COL4A4: variants seen among roughly 807,000 people sequenced by gnomAD.
COL4A4 encodes the protein collagen type IV alpha 4 chain.
In COL4A4, 105 loss-of-function variants were observed where a neutral mutation model predicts 192.9. The ratio of observed to expected loss-of-function variants is 0.54; its 90% CI spans 0.46 to 0.64. The LOEUF is 0.64. Ranked by LOEUF, COL4A4 falls within the 30% of genes least tolerant of loss-of-function variation. The pLI, the probability that COL4A4 is intolerant of heterozygous loss-of-function variation, is 0.00. For missense variants in COL4A4, 1,967 were observed against 2,169.3 expected, an observed-to-expected ratio of 0.91 and a Z score of 1.85; for synonymous variants, 762 against 769.9, an observed-to-expected ratio of 0.99 and a Z score of 0.17.
intron 37 of COL4A4, among the ~76,000 whole-genome samples, chr2:227,040,378 T>C (rs1393411863): frequency 6.6e-6 from 1 of 152,148 alleles, no homozygotes; most frequent in Non-Finnish European, 1.5e-5. Flanking sequence ...TTCATTCTCC[T>C]ATTTGTCCAT....
Position 227,072,470 on chromosome 2 carries a change from C to A in COL4A4, c.1987+5424G>T, listed in dbSNP as rs1290613406. Among the ~76,000 whole-genome samples the A allele has an allele frequency of 2.6e-5, 4 of 151,716 alleles. No individual in the cohort carries two copies. The East Asian group carries it at 7.7e-4, about 29-fold the overall frequency. ...GATTCACAGCTAAATTCTACTTAGACACTGAGAGAAAAGAATTGGTACAAA... is the reference window on the plus strand; with the variant it reads ...GATTCACAGCTAAATTCTACTTAGAAACTGAGAGAAAAGAATTGGTACAAA... On this transcript the variant is annotated intron_variant, in intron 25 of 47. Coordinates refer to ENST00000396625, the MANE Select transcript of COL4A4 (RefSeq NM_000092.5).
At chr2:227,052,558 G>C in intron 31 of COL4A4, 146 bp from the exon 32 acceptor site, 2 of 671,634 alleles carry the variant, frequency 3.0e-6, no homozygotes, top group Non-Finnish European at 5.4e-6. Context: ...CACCATTGTT[G>C]GCTGATTTCC....
chr2:226,995,322 TAAAATG>T, the COL4A4 span: 1 of 696,990 alleles, frequency 1.4e-6, no homozygotes, highest in South Asian at 1.7e-5. Flanking sequence ...TGTTTTGTGT[TAAAATG>T]AAGATGACAC....
chr2:227,007,667 T>C, intron 47 of COL4A4, 79 bp from the exon 48 acceptor site: 2 of 1,581,978 alleles, frequency 1.3e-6, no homozygotes, highest in Non-Finnish European at 1.7e-6. Context: ...CACCCAGGTT[T>C]GGGTCTGATC....
At chr2:227,117,277 A>C (rs558467449) in intron 7 of COL4A4, among the ~76,000 whole-genome samples, 1 of 152,318 alleles carries the variant, frequency 6.6e-6, no homozygotes, top group Admixed American at 6.5e-5. Flanking sequence ...GTTAAAGTTA[A>C]AACTGAGAAC....
chr2:227,118,714 G>C lies in COL4A4; in HGVS notation c.420C>G (p.Gly140=), dbSNP rs373582793. The C allele has an allele frequency of 6.2e-7, 1 of 1,613,948 alleles. No individual in the cohort carries two copies. The highest frequency in any genetic ancestry group is 1.3e-5 in the African/African-American group (1 of 75,042). Residue 140 remains glycine (G), a synonymous_variant, in exon 7 of 48, where the codon GGC becomes GGG. Transcript: ENST00000396625. ...PGPRGKPGMS[G]HNGSRGDPGF... is the part of the protein sequence containing the mutation. The stretch of plus-strand genomic sequence containing the variant: ...CTGGGTCACCTCTTGAGCCATTGTG[G>C]CCACTCATACCAGGTTTGCCTCTGG...
rs1968845280 is a variant in COL4A4 at position 227,033,409 on chromosome 2, C to T, written c.3577+1G>A. On this transcript the variant is annotated splice_donor_variant, in intron 38 of 47. Coordinates refer to ENST00000396625, the MANE Select transcript of COL4A4 (RefSeq NM_000092.5). LOFTEE classifies it high-confidence loss of function. ...CTGTTACGAATCGATTAGGTGCTTA[C>T]CTGAAGCACCTTTAGTTCCTTTCTG... 1 of 1,610,124 alleles carries T rather than the reference C, an allele frequency of 6.2e-7. No individual in the cohort carries two copies.
the COL4A4 span, among the ~76,000 whole-genome samples, chr2:226,983,378 G>A: frequency 6.6e-6 from 1 of 152,086 alleles, no homozygotes; most frequent in African/African-American, 2.4e-5. Context: ...GTAGCTGTGG[G>A]ACCTGGGGCC....
At chr2:227,060,306 G>A in intron 26 of COL4A4, 63 bp from the exon 27 acceptor site, 1 of 1,140,076 alleles carries the variant, frequency 8.8e-7, no homozygotes, top group Non-Finnish European at 1.3e-6. Context: ...AACAAAATGA[G>A]ATGATTTTCT....
In COL4A4 at chr2:227,022,112, C is replaced by T. The variant is rs75398993; in HGVS notation, c.4152G>A (p.Ala1384=). 681 of 1,614,068 alleles carry T rather than the reference C, an allele frequency of 4.2e-4. 3 individuals carry two copies. The African/African-American group carries it at 6.5e-3, about 15-fold the overall frequency. Residue 1384 remains alanine, a synonymous_variant, in exon 44 of 48, where the codon GCG becomes GCA. Coordinates refer to ENST00000396625, the MANE Select transcript of COL4A4 (RefSeq NM_000092.5). ...DCPRIPGLPG[A]PGMRGPEGAM... Reference sequence around the variant, plus strand: ...CTCCTTCTGGTCCTCTCATGCCTGGCGCCCCAGGAAGGCCTGGGATTCGGG... The same window carrying T: ...CTCCTTCTGGTCCTCTCATGCCTGGTGCCCCAGGAAGGCCTGGGATTCGGG...
At chr2:227,021,924 G>A (rs1258757196) in intron 44 of COL4A4, 124 bp downstream of exon 44, 8 of 1,142,036 alleles carry the variant, frequency 7.0e-6, no homozygotes, top group Non-Finnish European at 1.0e-5. Flanking sequence ...AAATTGCAAA[G>A]GGAAAGACAT....
At chr2:227,145,625 T>A (rs1189832451) in intron 2 of COL4A4, among the ~76,000 whole-genome samples, 1 of 152,214 alleles carries the variant, frequency 6.6e-6, no homozygotes, top group Non-Finnish European at 1.5e-5. Context: ...GGGCTGTGAT[T>A]TATCTGCCAT....
At position 227,041,754 on chromosome 2, in the gene COL4A4, GGAA is replaced by G; in HGVS notation, c.3505+391_3505+393del. On this transcript the variant is annotated intron_variant, in intron 37 of 47. Transcript: ENST00000396625. Reference sequence around the variant, plus strand: ...AGGAAGGAAGGAAGGAAGGAAGGAAGGAAGGAAGGAAGGAAGGAAGGAAGGAAG... The same window carrying G: ...AGGAAGGAAGGAAGGAAGGAAGGAAGGGAAGGAAGGAAGGAAGGAAGGAAG... Among the ~76,000 whole-genome samples the G allele has an allele frequency of 5.3e-5, 6 of 112,434 alleles. 1 individual carries two copies. The highest frequency in any genetic ancestry group is 1.1e-4 in the African/African-American group (3 of 27,908). 73.8% of individuals were successfully genotyped at this position (112,434 alleles called of 152,430 possible).
chr2:227,038,664 CTGAT>C (rs1970195542), intron 37 of COL4A4, among the ~76,000 whole-genome samples: 1 of 152,116 alleles, frequency 6.6e-6, no homozygotes, highest in Non-Finnish European at 1.5e-5. Flanking sequence ...AAGTTTAAAT[CTGAT>C]TGAACACAAG....
chr2:227,029,205 A>G (rs939641216), intron 41 of COL4A4, among the ~76,000 whole-genome samples: 2 of 152,110 alleles, frequency 1.3e-5, no homozygotes, highest in African/African-American at 4.8e-5. Flanking sequence ...TGGTATTCAT[A>G]TGGTGTTTTA....
chr2:227,071,261 G>GA (rs976875799), intron 25 of COL4A4, among the ~76,000 whole-genome samples: 12 of 151,928 alleles, frequency 7.9e-5, no homozygotes, highest in African/African-American at 2.2e-4. Flanking sequence ...TCTTGTATCA[G>GA]AAAAAACAAA....
At chr2:227,115,902 A>G (rs771235867) in intron 7 of COL4A4, among the ~76,000 whole-genome samples, 23 of 152,188 alleles carry the variant, frequency 1.5e-4, no homozygotes, top group Non-Finnish European at 3.1e-4. Context: ...GAGTACTTGC[A>G]TAACGTACAA....
At position 227,032,873 on chromosome 2, in the gene COL4A4, G is replaced by T. The variant is rs148979334; in HGVS notation, c.3577+537C>A. On this transcript the variant is annotated intron_variant, in intron 38 of 47. Coordinates refer to ENST00000396625, the MANE Select transcript of COL4A4 (RefSeq NM_000092.5). Reference sequence around the variant, plus strand: ...TCAGCTACTTTGTCTGATCATAAGCGGTTTTTCTGAGAAAGTAACGCAACA... The same window carrying T: ...TCAGCTACTTTGTCTGATCATAAGCTGTTTTTCTGAGAAAGTAACGCAACA... Among the ~76,000 whole-genome samples the T allele has an allele frequency of 3.2e-3, 482 of 152,248 alleles. 2 individuals carry two copies. Among genetic ancestry groups the T allele is most frequent in the African/African-American group, 0.011 (457 of 41,532 alleles).
At chr2:227,029,013 A>G (rs1200740645) in intron 41 of COL4A4, among the ~76,000 whole-genome samples, 2 of 152,174 alleles carry the variant, frequency 1.3e-5, no homozygotes, top group Admixed American at 1.3e-4. Flanking sequence ...TCACTGCTAT[A>G]TTCCTGCAGG....
Sources: gnomAD v4.1 joint callset for allele counts (sites outside exome capture counted in the v4.1 genomes callset) on GRCh38, gnomAD v4.1.1 for gene constraint, MANE v1.5 for transcripts, NCBI Gene and HGNC (gene_info 2026-07-23, HGNC 2026-07-21) for gene names.